The following KLHL26 variants were observed in gnomAD, a reference collection of about 807,000 sequenced individuals.
KLHL26 encodes kelch like family member 26, also known as kelch-like protein 26.
KLHL26 carries 4 observed loss-of-function variants against 7.1 expected under a neutral mutation model. The observed-to-expected ratio is 0.56, with a 90% CI of 0.28 to 1.28. The LOEUF (loss-of-function observed/expected upper bound fraction) is 1.28, where lower values mean the gene tolerates loss of function less well. Among genes scored for constraint, KLHL26 ranks in the 50% most tolerant of loss-of-function variants. KLHL26 has a pLI of 0.11. For missense variants in KLHL26, 896 were observed against 924.6 expected, an observed-to-expected ratio of 0.97 and a Z score of 0.40; for synonymous variants, 465 against 414.1, an observed-to-expected ratio of 1.12 and a Z score of -1.49.
intron 1 of KLHL26, among the ~76,000 whole-genome samples, chr19:18,652,361 G>A (rs557881546): frequency 1.3e-5 from 2 of 152,042 alleles, no homozygotes; most frequent in African/African-American, 2.4e-5. Flanking sequence ...AGGCCGAGGC[G>A]GGCAGATCAC....
rs201737153 is a variant in KLHL26, at chr19:18,650,204, CTGGAT to C, written c.83+13068_83+13072del. 0.033 allele frequency among the ~76,000 whole-genome samples: 4,974 copies of C among 152,268 alleles called. 133 individuals carry two copies. The highest frequency in any genetic ancestry group is 0.079 in the Middle Eastern group (23 of 292). On this transcript the variant is annotated intron_variant, in intron 1 of 2. Transcript: ENST00000300976. The surrounding 1 kb of genome is among the most constrained non-coding windows in gnomAD (Gnocchi z 4.2). ...CGGACCCGGGCGGGAGCGGTCTGGG[CTGGAT>C]ATCCGGAGAGTTCTGCTCTCCACGG...
chr19:18,661,643 A>T (rs1318347890), intron 1 of KLHL26, among the ~76,000 whole-genome samples: 1 of 152,018 alleles, frequency 6.6e-6, no homozygotes, highest in Non-Finnish European at 1.5e-5. Context: ...AATCTCCTTT[A>T]AGGGTGGTTA....
chr19:18,669,182 G>A lies in KLHL26; in HGVS notation c.1785G>A (p.Pro595=), dbSNP rs774262584. 5.0e-5 allele frequency: 80 copies of A among 1,612,482 alleles called. No homozygotes were observed. The highest frequency in any genetic ancestry group is 6.7e-5 in the African/African-American group (5 of 74,922). ...TDEWERDLHF[P]ESFAGIACAP... is the part of the protein sequence containing the mutation. ...AGTGGGAGCGGGACCTGCACTTCCC[G>A]GAGTCCTTCGCAGGCATAGCCTGCG... The change falls in exon 3 of 3, where the codon CCG becomes CCA. Residue 595 remains proline (P), a synonymous_variant. Coordinates refer to ENST00000300976, the MANE Select transcript of KLHL26 (RefSeq NM_018316.3).
intron 1 of KLHL26, among the ~76,000 whole-genome samples, chr19:18,660,569 C>T (rs1459660153): frequency 1.3e-5 from 2 of 152,222 alleles, no homozygotes; most frequent in African/African-American, 2.4e-5. Flanking sequence ...GGTCCTTCCC[C>T]TCCTCCCAGT....
At chr19:18,638,513 G>A (rs1490337974) in intron 1 of KLHL26, among the ~76,000 whole-genome samples, 1 of 152,130 alleles carries the variant, frequency 6.6e-6, no homozygotes, top group Non-Finnish European at 1.5e-5. Flanking sequence ...GTAGGTGTGG[G>A]GCAAGATTGT....
intron 1 of KLHL26, among the ~76,000 whole-genome samples, chr19:18,647,241 A>G (rs970412387): frequency 6.7e-6 from 1 of 148,214 alleles, no homozygotes; most frequent in Non-Finnish European, 1.5e-5. Flanking sequence ...GGTAGCTGTG[A>G]CCCCCGGGAC....
chr19:18,652,163 C>T (rs2052265946), intron 1 of KLHL26, among the ~76,000 whole-genome samples: 1 of 152,122 alleles, frequency 6.6e-6, no homozygotes, highest in Non-Finnish European at 1.5e-5. Flanking sequence ...ACAACATGAG[C>T]AAAGGTCCAG....
chr19:18,647,714 A>G (rs1976830531), intron 1 of KLHL26, among the ~76,000 whole-genome samples: 1 of 151,916 alleles, frequency 6.6e-6, no homozygotes, highest in Non-Finnish European at 1.5e-5. Context: ...AGGGGGAAGG[A>G]CACAGATAGA....
rs202110016 is a variant in KLHL26 at position 18,668,669 on chromosome 19, C to T, written c.1272C>T (p.Ala424=). 79 of 1,572,236 alleles carry T rather than the reference C, an allele frequency of 5.0e-5. No individual in the cohort carries two copies. Among genetic ancestry groups the T allele is most frequent in the Admixed American group, 1.1e-4 (6 of 56,664 alleles). Residue 424 remains alanine, a synonymous_variant, in exon 3 of 3, where the codon GCC becomes GCT. Transcript: ENST00000300976. The stretch of plus-strand genomic sequence containing the variant: ...ACGCCACGGGCGGCCGCAACCGAGC[C>T]GGCAGCCTGGCCTCCGTGGAGCGGT... The part of the protein sequence containing the change: ...MVYATGGRNR[A]GSLASVERYC...
At chr19:18,642,383 T>TG (rs1320607738) in intron 1 of KLHL26, among the ~76,000 whole-genome samples, 1,343 of 61,568 alleles carry the variant, frequency 0.022, 19 homozygotes, top group African/African-American at 0.09. Flanking sequence ...GTGTGTGTGT[T>TG]TGAGATGGAG....
In KLHL26 at chr19:18,649,345, G is replaced by T. The variant is rs557447897; in HGVS notation, c.83+12208G>T. Among the ~76,000 whole-genome samples, 593 of 152,226 alleles carry T rather than the reference G, an allele frequency of 3.9e-3. 5 individuals are homozygous for T. The highest frequency in any genetic ancestry group is 6.8e-3 in the Middle Eastern group (2 of 294). ...TACCCCACCCCGAACAGTCTTCGAT[G>T]CATACCAGAGGGGAAGCCTCCTGGC... On this transcript the variant is annotated intron_variant, in intron 1 of 2. Coordinates refer to ENST00000300976, the MANE Select transcript of KLHL26 (RefSeq NM_018316.3). This position sits in a 1 kb window ranked among gnomAD's most constrained non-coding sequence, Gnocchi z 4.0.
In KLHL26 at chr19:18,669,186, T is replaced by G; in HGVS notation, c.1789T>G (p.Ser597Ala). ...GGAGCGGGACCTGCACTTCCCGGAG[T>G]CCTTCGCAGGCATAGCCTGCGCCCC... ...EWERDLHFPE[S>A]FAGIACAPVL... The change falls in exon 3 of 3, where the codon TCC becomes GCC. Residue 597 changes from serine to alanine, a missense_variant. By Grantham distance (99) the Ser-to-Ala change is moderately conservative. Transcript: ENST00000300976. The G allele has an allele frequency of 3.1e-6, 5 of 1,612,248 alleles. No individual in the cohort carries two copies. The highest frequency in any genetic ancestry group is 4.2e-6 in the Non-Finnish European group (5 of 1,179,884).
In KLHL26 at chr19:18,656,690, G is replaced by A. The variant is rs568328845; in HGVS notation, c.84-7571G>A. On this transcript the variant is annotated intron_variant, in intron 1 of 2. Coordinates refer to ENST00000300976, the MANE Select transcript of KLHL26 (RefSeq NM_018316.3). The surrounding 1 kb of genome is among the most constrained non-coding windows in gnomAD (Gnocchi z 4.4). ...GCGCAACTCACGGCGAGCCCTGTCT[G>A]CCTCAGTAGCGCGGGGCTCTTGGAG... Among the ~76,000 whole-genome samples, 1 of 140,526 alleles carries A rather than the reference G, an allele frequency of 7.1e-6. No homozygotes were observed. The highest frequency in any genetic ancestry group is 2.3e-4 in the South Asian group (1 of 4,406). 92.2% of individuals were successfully genotyped at this position (140,526 alleles called of 152,430 possible).
At chr19:18,665,181 C>T (rs562180285) in intron 2 of KLHL26, among the ~76,000 whole-genome samples, 1 of 152,130 alleles carries the variant, frequency 6.6e-6, no homozygotes, top group South Asian at 2.1e-4. Flanking sequence ...CTCAGCCTCC[C>T]GAGTAGCTGG....
At chr19:18,654,790 C>T (rs1471493813) in intron 1 of KLHL26, among the ~76,000 whole-genome samples, 1 of 151,940 alleles carries the variant, frequency 6.6e-6, no homozygotes, top group Non-Finnish European at 1.5e-5. Context: ...CCGATTCACC[C>T]ATCTACCCAC....
intron 1 of KLHL26, among the ~76,000 whole-genome samples, chr19:18,662,843 G>A (rs1231950118): frequency 1.3e-5 from 2 of 152,052 alleles, no homozygotes; most frequent in South Asian, 2.1e-4. Flanking sequence ...GATCGGGGCC[G>A]ATGTGTGGGG....
intron 1 of KLHL26, among the ~76,000 whole-genome samples, chr19:18,643,371 G>A (rs1976748119): frequency 1.3e-5 from 2 of 150,288 alleles, no homozygotes; most frequent in Admixed American, 6.7e-5. Context: ...CTTGAACCCG[G>A]GAGGCAGAGG....
chr19:18,649,665 G>A lies in KLHL26; in HGVS notation c.83+12528G>A, dbSNP rs913803855. Among the ~76,000 whole-genome samples the A allele has an allele frequency of 1.4e-4, 21 of 152,318 alleles. No homozygotes were observed. Among genetic ancestry groups the A allele is most frequent in the Admixed American group, 1.2e-3 (18 of 15,304 alleles). Reference sequence around the variant, plus strand: ...CCAAGCCCGCTGGGTTCCCGCTGCCGGCAGCCCCGCCCTCCTCCTCTGGTA... The same window carrying A: ...CCAAGCCCGCTGGGTTCCCGCTGCCAGCAGCCCCGCCCTCCTCCTCTGGTA... On this transcript the variant is annotated intron_variant, in intron 1 of 2. Transcript: ENST00000300976. The surrounding 1 kb of genome is among the most constrained non-coding windows in gnomAD (Gnocchi z 4.0).
chr19:18,667,687 G>T lies in KLHL26; in HGVS notation c.290G>T (p.Arg97Leu), dbSNP rs1179184218. The T allele has an allele frequency of 6.2e-7, 1 of 1,611,838 alleles. No individual in the cohort carries two copies. Among genetic ancestry groups the T allele is most frequent in the East Asian group, 2.2e-5 (1 of 44,876 alleles). The change falls in exon 3 of 3, where the codon CGG (arginine) becomes CTG (leucine). Residue 97 changes from arginine (R) to leucine (L), a missense_variant. Coordinates refer to ENST00000300976, the MANE Select transcript of KLHL26 (RefSeq NM_018316.3). ...AGGGCCATGTTCACCGGCGGCATGC[G>T]GGAGGCAAGCCAGGACGTCATCGAG... ...YFRAMFTGGM[R>L]EASQDVIELK...
Sources: allele counts gnomAD v4.1 joint callset (sites outside exome capture counted in the v4.1 genomes callset), GRCh38; gene constraint gnomAD v4.1.1; non-coding constraint Gnocchi (gnomAD v3.1); transcripts MANE v1.5; gene names NCBI Gene and HGNC (gene_info 2026-07-23, HGNC 2026-07-21).